ZNF532: variants seen among roughly 807,000 people sequenced by gnomAD.
The protein encoded by ZNF532 is zinc finger protein 532.
In ZNF532, 22 loss-of-function variants were observed where a neutral mutation model predicts 89.3. The ratio of observed to expected loss-of-function variants is 0.25; its 90% CI spans 0.18 to 0.35. The LOEUF is 0.35. Among genes scored for constraint, ZNF532 ranks in the 10% least tolerant of loss-of-function variants. The pLI is 1.00. For synonymous variants in ZNF532, 606 were observed against 649.6 expected, an observed-to-expected ratio of 0.93 and a Z score of 1.02; for missense variants, 1,132 against 1,643.4, an observed-to-expected ratio of 0.69 and a Z score of 5.38.
At chr18:58,910,808 A>G (rs897624511) in intron 2 of ZNF532, among the ~76,000 whole-genome samples, 7 of 151,904 alleles carry the variant, frequency 4.6e-5, no homozygotes, top group African/African-American at 1.5e-4. Flanking sequence ...ATGCACAGAA[A>G]CATGTCTCCA....
chr18:58,940,724 C>T (rs1226409612), intron 5 of ZNF532, among the ~76,000 whole-genome samples: 1 of 152,134 alleles, frequency 6.6e-6, no homozygotes, highest in African/African-American at 2.4e-5. Context: ...TCCTGTGTGT[C>T]TTCGCTCCCT....
intron 9 of ZNF532, 57 bp from the exon 10 acceptor site, chr18:58,983,915 A>C (rs762763307): frequency 1.6e-5 from 25 of 1,546,534 alleles, no homozygotes; most frequent in Non-Finnish European, 2.2e-5. Flanking sequence ...CCGATCATTT[A>C]TCAACCACCG....
rs2068299181 is a variant in ZNF532 at position 58,985,461 on chromosome 18, C to G, written c.*995C>G. On this transcript the variant is annotated 3_prime_UTR_variant, in exon 10 of 10. Transcript: ENST00000591808. ...GTCAAAAGAGTTGGCGTTTCCTGTT[C>G]TGGGTGCTACTGCCAAACGTTATGG... The G allele has an allele frequency of 1.3e-5, 2 of 152,628 alleles. No individual in the cohort carries two copies. The highest frequency in any genetic ancestry group is 1.3e-4 in the Admixed American group (2 of 15,280). The allele number at this position is 152,628 out of a possible 1,614,324, so 9.5% of individuals were successfully genotyped here. A position where few individuals can be genotyped will look rare whatever the true frequency, so the allele number is the denominator to read the frequency against.
chr18:58,969,873 C>CTTTTT lies in ZNF532; in HGVS notation c.3151-9162_3151-9158dup, dbSNP rs10617418. On this transcript the variant is annotated intron_variant, in intron 7 of 9. Transcript: ENST00000591808. ...TTTTATTATGTAGCAATATTTGTCC[C>CTTTTT]TTTTTTTTTTTTTTTTTTTTTTTTG... Among the ~76,000 whole-genome samples the CTTTTT allele has an allele frequency of 1.9e-4, 16 of 84,746 alleles. 1 individual carries two copies. Among genetic ancestry groups the CTTTTT allele is most frequent in the Non-Finnish European group, 2.1e-4 (10 of 47,792 alleles). The allele number at this position is 84,746 out of a possible 152,430, so 55.6% of individuals were successfully genotyped here.
rs528926448 is a variant in ZNF532 at position 58,898,713 on chromosome 18, A to G, written c.-17-19558A>G. 8.5e-5 allele frequency among the ~76,000 whole-genome samples: 13 copies of G among 152,240 alleles called. No homozygotes were observed. The East Asian group carries it at 2.5e-3, about 29-fold the overall frequency. On this transcript the variant is annotated intron_variant, in intron 2 of 9. Transcript: ENST00000591808. Reference sequence around the variant, plus strand: ...TTTTATCGTATTCCCTCACACCTTGATTCTCTGATTTCCAGGCACTTCTAA... The same window carrying G: ...TTTTATCGTATTCCCTCACACCTTGGTTCTCTGATTTCCAGGCACTTCTAA...
chr18:58,916,692 C>A, intron 2 of ZNF532: 1 of 985,322 alleles, frequency 1.0e-6, no homozygotes, highest in Non-Finnish European at 1.2e-6. Flanking sequence ...TTTTTTCTAA[C>A]CAAATTCTTC....
intron 2 of ZNF532, 103 bp from the exon 3 acceptor site, chr18:58,918,168 T>C (rs916379498): frequency 2.8e-6 from 3 of 1,089,672 alleles, no homozygotes; most frequent in African/African-American, 3.2e-5. Flanking sequence ...ACCTCCTTGC[T>C]CTTTCTTAGT....
chr18:58,868,125 A>G (rs2056646102), intron 2 of ZNF532, among the ~76,000 whole-genome samples: 1 of 152,212 alleles, frequency 6.6e-6, no homozygotes, highest in South Asian at 2.1e-4. Flanking sequence ...TATCCTTGGT[A>G]GAACTCCAGC....
chr18:58,945,132 A>G (rs1365546227), intron 5 of ZNF532, among the ~76,000 whole-genome samples: 1 of 152,188 alleles, frequency 6.6e-6, no homozygotes, highest in East Asian at 1.9e-4. Flanking sequence ...GTGCTGCCTT[A>G]TCAGTGTCCT....
chr18:58,874,870 T>C (rs1017572073), intron 2 of ZNF532, among the ~76,000 whole-genome samples: 9 of 152,308 alleles, frequency 5.9e-5, no homozygotes, highest in Admixed American at 3.3e-4. Flanking sequence ...TAGATACTTA[T>C]ATTCTGCACA....
chr18:58,870,547 T>C (rs1233764666), intron 2 of ZNF532, among the ~76,000 whole-genome samples: 1 of 152,114 alleles, frequency 6.6e-6, no homozygotes, highest in East Asian at 1.9e-4. Context: ...GTGCAGTGCC[T>C]TGAGGATGGA....
chr18:58,963,684 G>T (rs1182660181), intron 7 of ZNF532, among the ~76,000 whole-genome samples: 10 of 151,408 alleles, frequency 6.6e-5, no homozygotes, highest in African/African-American at 2.4e-4. Flanking sequence ...TTGGCCGGGT[G>T]CAGTGGCTCA....
At chr18:58,898,605 G>A (rs1269869002) in intron 2 of ZNF532, among the ~76,000 whole-genome samples, 3 of 152,160 alleles carry the variant, frequency 2.0e-5, no homozygotes, top group African/African-American at 7.2e-5. Context: ...GCAGCCCAGC[G>A]TGAATGCCGC....
chr18:58,887,933 G>T (rs1281130528), intron 2 of ZNF532, among the ~76,000 whole-genome samples: 1 of 152,192 alleles, frequency 6.6e-6, no homozygotes, highest in Non-Finnish European at 1.5e-5. Flanking sequence ...TTTTCCTGCG[G>T]AATTAAAGGA....
At chr18:58,916,672 T>C (rs2060623712) in intron 2 of ZNF532, 1 of 984,816 alleles carries the variant, frequency 1.0e-6, no homozygotes, top group Non-Finnish European at 1.2e-6. Context: ...GATTTCGCCT[T>C]CAACAGTAGT....
At chr18:58,924,944 A>G (rs1227995734) in intron 3 of ZNF532, among the ~76,000 whole-genome samples, 1 of 152,198 alleles carries the variant, frequency 6.6e-6, no homozygotes, top group Non-Finnish European at 1.5e-5. Context: ...TGCGTATATC[A>G]ATAGTATATT....
At position 58,969,112 on chromosome 18, in the gene ZNF532, A is replaced by C. The variant is rs569317970; in HGVS notation, c.3151-9943A>C. On this transcript the variant is annotated intron_variant, in intron 7 of 9. Coordinates refer to ENST00000591808, the MANE Select transcript of ZNF532 (RefSeq NM_001375912.1). The stretch of plus-strand genomic sequence containing the variant: ...TGCTCGCTTTAGTTTTAAGTTGGGA[A>C]AACTTCAGACCCAGAGGGATTGTAG... Among the ~76,000 whole-genome samples, 3 of 152,256 alleles carry C rather than the reference A, an allele frequency of 2.0e-5. No individual in the cohort carries two copies. In the East Asian group the frequency reaches 5.8e-4, roughly 29 times the overall value.
intron 2 of ZNF532, among the ~76,000 whole-genome samples, chr18:58,900,461 A>C (rs11152104): frequency 0.45 from 68,301 of 152,052 alleles, 15,880 homozygotes; most frequent in East Asian, 0.62. Flanking sequence ...CCAGCTGATG[A>C]AGGGTCGGGG....
chr18:58,967,300 T>G (rs2066012815), intron 7 of ZNF532, among the ~76,000 whole-genome samples: 1 of 152,178 alleles, frequency 6.6e-6, no homozygotes, highest in Non-Finnish European at 1.5e-5. Flanking sequence ...AGTGTGACTG[T>G]CATAGGTGGC....
Sources: allele counts gnomAD v4.1 joint callset (sites outside exome capture counted in the v4.1 genomes callset), GRCh38; gene constraint gnomAD v4.1.1; transcripts MANE v1.5; gene names NCBI Gene and HGNC (gene_info 2026-07-23, HGNC 2026-07-21).